The following PALLD variants were observed in gnomAD, a reference collection of about 807,000 sequenced individuals.
PALLD encodes palladin.
A neutral mutation model predicts 123.5 loss-of-function variants in PALLD; 61 were observed. That is an observed-to-expected ratio of 0.49 (90% CI 0.40 to 0.61). The LOEUF (loss-of-function observed/expected upper bound fraction) is 0.61, where lower values mean the gene tolerates loss of function less well. Ranked by LOEUF, PALLD falls within the 20% of genes least tolerant of loss-of-function variation. The pLI is 0.00. For missense variants in PALLD, 1,273 were observed against 1,377.0 expected (o/e 0.92, Z 1.20); for synonymous variants, 465 against 496.4 (o/e 0.94, Z 0.84).
At chr4:168,600,039 A>ATACATG (rs1561291096) in intron 2 of PALLD, among the ~76,000 whole-genome samples, 6 of 145,986 alleles carry the variant, frequency 4.1e-5, no homozygotes, top group East Asian at 2.0e-4. Flanking sequence ...ACATACATAC[A>ATACATG]TGTGTATACA....
chr4:168,678,625 G>A (rs1261082353), intron 3 of PALLD, among the ~76,000 whole-genome samples: 1 of 152,088 alleles, frequency 6.6e-6, no homozygotes, highest in African/African-American at 2.4e-5. Flanking sequence ...CCTAGGGGAG[G>A]CTTCCTTGCC....
At chr4:168,840,888 T>C (rs550677456) in intron 10 of PALLD, among the ~76,000 whole-genome samples, 78 of 152,318 alleles carry the variant, frequency 5.1e-4, no homozygotes, top group African/African-American at 1.8e-3. Flanking sequence ...TTTCGCTCTG[T>C]TGCCCAGGCT....
intron 3 of PALLD, among the ~76,000 whole-genome samples, chr4:168,673,904 GTGTGTGTGTGTGTC>G (rs907336409): frequency 6.6e-6 from 1 of 151,730 alleles, no homozygotes; most frequent in Non-Finnish European, 1.5e-5. Flanking sequence ...GTGTGTGTGT[GTGTGTGTGTGTGTC>G]TGTGTGTGTA....
At chr4:168,539,577 A>C (rs11940395) in intron 2 of PALLD, among the ~76,000 whole-genome samples, 2 of 12,308 alleles carry the variant, frequency 1.6e-4, no homozygotes, top group South Asian at 2.0e-3. Flanking sequence ...AAAAATAAAT[A>C]AATAAATAAA....
At chr4:168,662,087 T>C (rs1017319819) in intron 2 of PALLD, among the ~76,000 whole-genome samples, 3 of 152,120 alleles carry the variant, frequency 2.0e-5, no homozygotes, top group Non-Finnish European at 2.9e-5. Flanking sequence ...AAATAAAAAA[T>C]GTGATTGAAG....
intron 10 of PALLD, among the ~76,000 whole-genome samples, chr4:168,851,944 C>T (rs938159949): frequency 6.6e-6 from 1 of 152,146 alleles, no homozygotes. Flanking sequence ...GAGGCTAAGA[C>T]GCAAGGTCCT....
chr4:168,767,836 C>T (rs6810500), intron 10 of PALLD, among the ~76,000 whole-genome samples: 1,746 of 152,216 alleles, frequency 0.011, 24 homozygotes, highest in African/African-American at 0.039. Context: ...CATGAGCCAC[C>T]GTGCCCAGCC....
intron 10 of PALLD, among the ~76,000 whole-genome samples, chr4:168,840,452 A>G (rs897368028): frequency 8.5e-5 from 13 of 152,278 alleles, no homozygotes; most frequent in African/African-American, 2.4e-4. Flanking sequence ...ACAACCACCA[A>G]GAGTTGTCAG....
At chr4:168,603,472 A>T (rs1183847789) in intron 2 of PALLD, among the ~76,000 whole-genome samples, 1 of 152,256 alleles carries the variant, frequency 6.6e-6, no homozygotes, top group Non-Finnish European at 1.5e-5. Context: ...GTATAATTTT[A>T]TCAATGACAT....
At chr4:168,845,885 A>T (rs1226783520) in intron 10 of PALLD, among the ~76,000 whole-genome samples, 1 of 152,200 alleles carries the variant, frequency 6.6e-6, no homozygotes, top group Non-Finnish European at 1.5e-5. Context: ...ACTTTTGCCA[A>T]TTGTTATACT....
intron 10 of PALLD, among the ~76,000 whole-genome samples, chr4:168,825,921 A>G (rs2150819951): frequency 6.6e-6 from 1 of 152,356 alleles, no homozygotes; most frequent in Non-Finnish European, 1.5e-5. Context: ...ATGAATTGCC[A>G]CTGGGATTAA....
At chr4:168,743,307 A>G (rs1005827395) in intron 10 of PALLD, among the ~76,000 whole-genome samples, 22 of 152,192 alleles carry the variant, frequency 1.4e-4, no homozygotes, top group African/African-American at 5.3e-4. Context: ...CGCGGCTATC[A>G]TATTCTGAAG....
intron 2 of PALLD, among the ~76,000 whole-genome samples, chr4:168,546,807 A>G (rs1447989186): frequency 6.6e-6 from 1 of 152,126 alleles, no homozygotes; most frequent in African/African-American, 2.4e-5. Flanking sequence ...GACCTCTCTT[A>G]TTTCCTGAAC....
At chr4:168,889,138 T>TGTGTGTGTGTGTGTGTGTG (rs1753779787) in intron 10 of PALLD, among the ~76,000 whole-genome samples, 1 of 132,238 alleles carries the variant, frequency 7.6e-6, no homozygotes, top group Non-Finnish European at 1.6e-5. Context: ...TTGCTTTATT[T>TGTGTGTGTGTGTGTGTGTG]TGTGTGTGTG....
At chr4:168,550,474 T>A (rs1446621208) in intron 2 of PALLD, among the ~76,000 whole-genome samples, 2 of 152,020 alleles carry the variant, frequency 1.3e-5, no homozygotes, top group Non-Finnish European at 2.9e-5. Context: ...AAGCCAAATG[T>A]GGAACCGAAG....
chr4:168,711,761 T>C lies in PALLD; in HGVS notation c.1802T>C (p.Met601Thr), dbSNP rs1236572413. 1.9e-6 allele frequency: 3 copies of C among 1,614,116 alleles called. No individual in the cohort carries two copies. The highest frequency in any genetic ancestry group is 2.5e-6 in the Non-Finnish European group (3 of 1,180,022). ...ELGLSRAALQ[M>T]QFNAAERETN... ...GGCCTGAGCAGGGCAGCCCTTCAAA[T>C]GCAATTCAATGCTGCTGAGAGGGAA... The change falls in exon 10 of 22, where the codon ATG (methionine) becomes ACG (threonine). Residue 601 changes from methionine to threonine, a missense_variant. Physicochemically the swap from Met to Thr is moderately conservative, Grantham distance 81. Transcript: ENST00000505667.
At chr4:168,595,233 T>C (rs1771858103) in intron 2 of PALLD, among the ~76,000 whole-genome samples, 1 of 152,194 alleles carries the variant, frequency 6.6e-6, no homozygotes, top group Non-Finnish European at 1.5e-5. Context: ...TAACAATACC[T>C]GTTTATGTGC....
At chr4:168,896,629 A>T in intron 13 of PALLD, 30 bp downstream of exon 13, 1 of 1,305,076 alleles carries the variant, frequency 7.7e-7, no homozygotes, top group South Asian at 1.3e-5. Context: ...TTCTCCTTCC[A>T]GTCTTTCTCT....
At chr4:168,655,370 G>T (rs756359699) in intron 2 of PALLD, among the ~76,000 whole-genome samples, 2 of 152,194 alleles carry the variant, frequency 1.3e-5, no homozygotes, top group Non-Finnish European at 2.9e-5. Flanking sequence ...AAGTTCGTGT[G>T]CACTCATGCC....
Sources: gnomAD v4.1 joint callset for allele counts (sites outside exome capture counted in the v4.1 genomes callset) on GRCh38, gnomAD v4.1.1 for gene constraint, MANE v1.5 for transcripts, NCBI Gene and HGNC (gene_info 2026-07-23, HGNC 2026-07-21) for gene names.